GRIK3: variants seen among roughly 807,000 people sequenced by gnomAD.
GRIK3 encodes glutamate ionotropic receptor kainate type subunit 3.
GRIK3 carries 29 observed loss-of-function variants against 102.5 expected under a neutral mutation model. The observed-to-expected ratio is 0.28, with a 90% CI of 0.21 to 0.39. The LOEUF (loss-of-function observed/expected upper bound fraction) is 0.39. Among genes scored for constraint, GRIK3 ranks in the 10% least tolerant of loss-of-function variants. The probability of loss-of-function intolerance (pLI) is 1.00; values close to 1 mark genes in which losing one functional copy is unlikely to be tolerated. For synonymous variants in GRIK3, 511 were observed against 504.9 expected (o/e 1.01, Z -0.16); for missense variants, 908 against 1,252.4 (o/e 0.73, Z 4.15).
intron 1 of GRIK3, among the ~76,000 whole-genome samples, chr1:36,998,078 T>C (rs1397903963): frequency 1.3e-5 from 2 of 152,084 alleles, no homozygotes; most frequent in African/African-American, 4.8e-5. Flanking sequence ...AATGAATGAA[T>C]GGGAGGGGGC....
intron 1 of GRIK3, among the ~76,000 whole-genome samples, chr1:36,957,189 G>A (rs555314447): frequency 6.6e-6 from 1 of 152,308 alleles, no homozygotes; most frequent in Admixed American, 6.5e-5. Flanking sequence ...AGGGACATGT[G>A]TTTACTGCAG....
intron 12 of GRIK3, 97 bp from the exon 13 acceptor site, chr1:36,817,374 G>A: frequency 1.2e-6 from 1 of 813,486 alleles, no homozygotes; most frequent in Non-Finnish European, 2.1e-6. Context: ...TCTAATGAAA[G>A]CTAAGGCCCT....
chr1:36,850,490 C>A lies in GRIK3; in HGVS notation c.1213-66G>T. 1 of 883,148 alleles carries A rather than the reference C, an allele frequency of 1.1e-6. No individual in the cohort carries two copies. The highest frequency in any genetic ancestry group is 1.9e-6 in the Non-Finnish European group (1 of 520,508). 54.7% of individuals were successfully genotyped at this position (883,148 alleles called of 1,614,324 possible). On this transcript the variant is annotated intron_variant, in intron 8 of 15. Transcript: ENST00000373091. This position sits in a 1 kb window ranked among gnomAD's most constrained non-coding sequence, Gnocchi z 4.0. ...GTCTACCCATCTTCCTCCATATCGA[C>A]AAGACCTTCATCTCATTCCCATTCA...
In GRIK3 at chr1:36,880,404, G is replaced by A. The variant is rs1194735313; in HGVS notation, c.550+230C>T. On this transcript the variant is annotated intron_variant, in intron 3 of 15. Transcript: ENST00000373091. The surrounding 1 kb of genome is among the most constrained non-coding windows in gnomAD (Gnocchi z 5.4). The stretch of plus-strand genomic sequence containing the variant: ...TGTGCTGCTAGAGGAGGAGCTGAGT[G>A]TGAGGCAGGGGTGAGGTGCGCTGGG... Among the ~76,000 whole-genome samples, 1 of 152,234 alleles carries A rather than the reference G, an allele frequency of 6.6e-6. No individual in the cohort carries two copies. Among genetic ancestry groups the A allele is most frequent in the African/African-American group, 2.4e-5 (1 of 41,448 alleles).
At chr1:36,975,916 C>T (rs1250879590) in intron 1 of GRIK3, among the ~76,000 whole-genome samples, 1 of 152,228 alleles carries the variant, frequency 6.6e-6, no homozygotes, top group Non-Finnish European at 1.5e-5. Flanking sequence ...TGTTAATAAA[C>T]AAGTGCTAAA....
At chr1:36,818,780 A>G (rs1642663445) in intron 12 of GRIK3, among the ~76,000 whole-genome samples, 1 of 152,228 alleles carries the variant, frequency 6.6e-6, no homozygotes, top group African/African-American at 2.4e-5. Flanking sequence ...TTATACACAG[A>G]TGACTGAGGG....
chr1:36,934,300 C>T (rs563115776), intron 1 of GRIK3, among the ~76,000 whole-genome samples: 1 of 152,342 alleles, frequency 6.6e-6, no homozygotes, highest in East Asian at 1.9e-4. Context: ...TTCTGCCTGC[C>T]TACTCTCCTG....
intron 1 of GRIK3, among the ~76,000 whole-genome samples, chr1:36,978,705 C>T (rs531932045): frequency 6.6e-6 from 1 of 152,314 alleles, no homozygotes; most frequent in African/African-American, 2.4e-5. Context: ...GGCCACTCAT[C>T]TCTCATCATC....
At chr1:36,897,917 T>C (rs1393716895) in intron 1 of GRIK3, among the ~76,000 whole-genome samples, 1 of 152,074 alleles carries the variant, frequency 6.6e-6, no homozygotes, top group Non-Finnish European at 1.5e-5. Context: ...GATGAATGGA[T>C]AAAGAAAATG....
intron 5 of GRIK3, among the ~76,000 whole-genome samples, chr1:36,869,288 G>A (rs1205698676): frequency 2.6e-5 from 4 of 152,298 alleles, no homozygotes; most frequent in Non-Finnish European, 4.4e-5. Context: ...GACAATTCCC[G>A]TGAGGCCCGA....
chr1:36,851,359 G>T (rs1449746612), intron 8 of GRIK3, among the ~76,000 whole-genome samples: 2 of 152,244 alleles, frequency 1.3e-5, no homozygotes, highest in Non-Finnish European at 2.9e-5. Context: ...AGGCAGAGTA[G>T]CTGTGTTTGG....
At chr1:36,909,601 T>G (rs774016251) in intron 1 of GRIK3, among the ~76,000 whole-genome samples, 4 of 152,088 alleles carry the variant, frequency 2.6e-5, no homozygotes, top group Non-Finnish European at 4.4e-5. Flanking sequence ...GCGCCCGGCC[T>G]TTTTTTCTTT....
intron 1 of GRIK3, among the ~76,000 whole-genome samples, chr1:37,008,390 A>G (rs1240117141): frequency 6.6e-6 from 1 of 152,258 alleles, no homozygotes; most frequent in Non-Finnish European, 1.5e-5. Context: ...CGCCCAGGAC[A>G]GTGCCTTCAC....
chr1:36,900,289 T>C (rs1160863452), intron 1 of GRIK3, among the ~76,000 whole-genome samples: 2 of 152,068 alleles, frequency 1.3e-5, no homozygotes, highest in African/African-American at 2.4e-5. Context: ...GCAATGCTCC[T>C]CCTCCCCCTC....
intron 1 of GRIK3, among the ~76,000 whole-genome samples, chr1:36,948,854 CT>C (rs539542323): frequency 1.5e-3 from 233 of 152,274 alleles, no homozygotes; most frequent in African/African-American, 5.2e-3. Flanking sequence ...AAAAATATAG[CT>C]AAGGTTTGGC....
At chr1:36,884,289 A>G (rs1035179959) in intron 2 of GRIK3, among the ~76,000 whole-genome samples, 14 of 152,192 alleles carry the variant, frequency 9.2e-5, no homozygotes, top group African/African-American at 3.4e-4. Context: ...CACAGTGATA[A>G]TAAATGCTTT....
At chr1:36,942,420 C>G (rs1557433958) in intron 1 of GRIK3, among the ~76,000 whole-genome samples, 5 of 152,216 alleles carry the variant, frequency 3.3e-5, no homozygotes, top group African/African-American at 9.6e-5. Flanking sequence ...TGGTAAAGAC[C>G]TGCTAATTGC....
intron 1 of GRIK3, among the ~76,000 whole-genome samples, chr1:36,939,570 A>C (rs1349181655): frequency 6.6e-6 from 1 of 152,260 alleles, no homozygotes; most frequent in African/African-American, 2.4e-5. Context: ...ATCAGCCCCT[A>C]AGGAAGAAAA....
In GRIK3 at chr1:36,908,778, GGTGTGTGTGT is replaced by G. The variant is rs56228690; in HGVS notation, c.116-17692_116-17683del. Among the ~76,000 whole-genome samples, 8 of 147,102 alleles carry G rather than the reference GGTGTGTGTGT, an allele frequency of 5.4e-5. No individual in the cohort carries two copies. The South Asian group carries it at 1.1e-3, about 20-fold the overall frequency. ...CTGAGGCGGCTAAGAAATGGGATAG[GGTGTGTGTGT>G]GTGTGTGTGTGTGTGTGTGTAGGGA... On this transcript the variant is annotated intron_variant, in intron 1 of 15. Transcript: ENST00000373091.
Sources: allele counts gnomAD v4.1 joint callset (sites outside exome capture counted in the v4.1 genomes callset), GRCh38; gene constraint gnomAD v4.1.1; non-coding constraint Gnocchi (gnomAD v3.1); transcripts MANE v1.5; gene names NCBI Gene and HGNC (gene_info 2026-07-23, HGNC 2026-07-21).